VTCN1: variants seen among roughly 807,000 people sequenced by gnomAD.
VTCN1 encodes V-set domain containing T cell activation inhibitor 1, also known as V-set domain-containing T-cell activation inhibitor 1.
A neutral mutation model predicts 26.5 loss-of-function variants in VTCN1; 26 were observed. That is an observed-to-expected ratio of 0.98 (90% CI 0.72 to 1.36). VTCN1 has a LOEUF of 1.36. Ranked by LOEUF, VTCN1 falls within the 40% of genes most tolerant of loss-of-function variation. The pLI is 0.00. For missense variants in VTCN1, 298 were observed against 337.7 expected, an observed-to-expected ratio of 0.88 and a Z score of 0.92; for synonymous variants, 116 against 130.7, an observed-to-expected ratio of 0.89 and a Z score of 0.77.
Position 117,146,272 on chromosome 1 carries a change from G to A in VTCN1, c.*46-1047C>T, listed in dbSNP as rs908125253. 6.6e-6 allele frequency among the ~76,000 whole-genome samples: 1 copy of A among 152,190 alleles called. No homozygotes were observed. The highest frequency in any genetic ancestry group is 2.4e-5 in the African/African-American group (1 of 41,450). ...ATTCCCAAGGGACAGTTTCCTTAGG[G>A]AAATCTCTGCTGACAACTGTGGAGG... On this transcript the variant is annotated intron_variant, in intron 5 of 5. Coordinates refer to ENST00000369458, the MANE Select transcript of VTCN1 (RefSeq NM_024626.4). The surrounding 1 kb of genome is among the most constrained non-coding windows in gnomAD (Gnocchi z 4.2).
intron 1 of VTCN1, among the ~76,000 whole-genome samples, chr1:117,184,594 A>G (rs529590121): frequency 2.6e-4 from 39 of 152,234 alleles, no homozygotes; most frequent in Admixed American, 2.2e-3. Context: ...CATCTTTTTA[A>G]TACTTACAGC....
chr1:117,153,176 C>CACAG lies in VTCN1; in HGVS notation c.635_638dup (p.Leu214CysfsTer16). ...TGTTGTTGATCGTAACATTGTAGAG[C>CACAG]ACAGACACAACCTTCATGGTCACAT... On this transcript the variant is annotated frameshift_variant, in exon 4 of 6. Coordinates refer to ENST00000369458, the MANE Select transcript of VTCN1 (RefSeq NM_024626.4). LOFTEE classifies it high-confidence loss of function. 1 of 1,614,136 alleles carries CACAG rather than the reference C, an allele frequency of 6.2e-7. No individual in the cohort carries two copies. The highest frequency in any genetic ancestry group is 2.2e-5 in the East Asian group (1 of 44,876).
chr1:117,171,927 G>T (rs1652937000), intron 1 of VTCN1, among the ~76,000 whole-genome samples: 1 of 152,126 alleles, frequency 6.6e-6, no homozygotes, highest in Admixed American at 6.5e-5. Flanking sequence ...TTGCCAAGGG[G>T]AACAAGCACT....
rs1044618775 is a variant in VTCN1 at position 117,155,911 on chromosome 1, C to T, written c.445+663G>A. 2.6e-5 allele frequency among the ~76,000 whole-genome samples: 4 copies of T among 152,176 alleles called. No homozygotes were observed. Among genetic ancestry groups the T allele is most frequent in the Non-Finnish European group, 5.9e-5 (4 of 68,028 alleles). On this transcript the variant is annotated intron_variant, in intron 3 of 5. Transcript: ENST00000369458. The surrounding 1 kb of genome is among the most constrained non-coding windows in gnomAD (Gnocchi z 4.8). ...CTCTTAAAGCATTTGATACACTTTA[C>T]TAATTATTATCATTTACAGACTTTT... is the stretch of plus-strand genomic sequence containing the variant.
At chr1:117,203,905 C>G (rs1302858332) in intron 1 of VTCN1, 1 of 445,854 alleles carries the variant, frequency 2.2e-6, no homozygotes, top group Non-Finnish European at 3.0e-6. Context: ...CTAATAGTTC[C>G]CAGGTGATGT....
intron 1 of VTCN1, among the ~76,000 whole-genome samples, chr1:117,189,541 G>T (rs763931973): frequency 6.6e-6 from 1 of 152,188 alleles, no homozygotes; most frequent in African/African-American, 2.4e-5. Context: ...CTGAAGCCCT[G>T]CAGAGGTGGA....
chr1:117,150,870 T>C (rs1283167944), intron 4 of VTCN1, among the ~76,000 whole-genome samples: 1 of 152,224 alleles, frequency 6.6e-6, no homozygotes, highest in Non-Finnish European at 1.5e-5. Context: ...TCATATAGTA[T>C]TTGTCTTTTT....
At position 117,151,469 on chromosome 1, in the gene VTCN1, G is replaced by A. The variant is rs141207570; in HGVS notation, c.724+1622C>T. On this transcript the variant is annotated intron_variant, in intron 4 of 5. Coordinates refer to ENST00000369458, the MANE Select transcript of VTCN1 (RefSeq NM_024626.4). Reference sequence around the variant, plus strand: ...GCACATCACAGACAGCAGCCCTACCGGGTTGCTGCTGCTGGCTCCAGTGGC... The same window carrying A: ...GCACATCACAGACAGCAGCCCTACCAGGTTGCTGCTGCTGGCTCCAGTGGC... Among the ~76,000 whole-genome samples the A allele has an allele frequency of 7.9e-5, 12 of 152,198 alleles. No homozygotes were observed. The South Asian group carries it at 8.3e-4, about 11-fold the overall frequency.
In VTCN1 at chr1:117,175,443, G is replaced by A. The variant is rs1247415129; in HGVS notation, c.33-5272C>T. Reference sequence around the variant, plus strand: ...GTGCAGCCTAGGACACGCAAGGGTAGGATGTACTTCTCTGGAGAGGGAGCC... The same window carrying A: ...GTGCAGCCTAGGACACGCAAGGGTAAGATGTACTTCTCTGGAGAGGGAGCC... On this transcript the variant is annotated intron_variant, in intron 1 of 5. Coordinates refer to ENST00000369458, the MANE Select transcript of VTCN1 (RefSeq NM_024626.4). The surrounding 1 kb of genome is among the most constrained non-coding windows in gnomAD (Gnocchi z 4.2). Among the ~76,000 whole-genome samples the A allele has an allele frequency of 6.6e-6, 1 of 152,236 alleles. No homozygotes were observed. Among genetic ancestry groups the A allele is most frequent in the Non-Finnish European group, 1.5e-5 (1 of 68,050 alleles).
chr1:117,171,806 A>C (rs1369661137), intron 1 of VTCN1, among the ~76,000 whole-genome samples: 1 of 152,226 alleles, frequency 6.6e-6, no homozygotes, highest in East Asian at 1.9e-4. Flanking sequence ...CTAAAGTCAC[A>C]CAGTTGGCAA....
intron 2 of VTCN1, among the ~76,000 whole-genome samples, chr1:117,162,491 T>C (rs1652417110): frequency 1.3e-5 from 2 of 152,140 alleles, no homozygotes; most frequent in East Asian, 3.8e-4. Flanking sequence ...CCAGAGATTC[T>C]TGTGTGACTT....
At chr1:117,153,463 T>A in intron 3 of VTCN1, 94 bp from the exon 4 acceptor site, 2 of 494,074 alleles carry the variant, frequency 4.0e-6, no homozygotes, top group Non-Finnish European at 2.7e-6. Flanking sequence ...ATGCAGTCAT[T>A]TTTTTTTTTT....
chr1:117,200,290 C>G (rs978550902), intron 1 of VTCN1, among the ~76,000 whole-genome samples: 3 of 152,054 alleles, frequency 2.0e-5, no homozygotes, highest in African/African-American at 7.2e-5. Flanking sequence ...ATCCCAGCTA[C>G]CTGGGAGGCT....
chr1:117,145,359 A>G lies in VTCN1; in HGVS notation c.*46-134T>C, dbSNP rs1651452384. The G allele has an allele frequency of 6.6e-6, 1 of 152,078 alleles. No homozygotes were observed. Among genetic ancestry groups the G allele is most frequent in the African/African-American group, 2.4e-5 (1 of 41,400 alleles). The allele number at this position is 152,078 out of a possible 1,614,324, so 9.4% of individuals were successfully genotyped here. ...AAGGGGCTTATTTTTCAGTATTTTGATGTTGTTCTATTGAGGCCACATGGT... is the reference window on the plus strand; with the variant it reads ...AAGGGGCTTATTTTTCAGTATTTTGGTGTTGTTCTATTGAGGCCACATGGT... On this transcript the variant is annotated intron_variant, in intron 5 of 5. Transcript: ENST00000369458. This position sits in a 1 kb window ranked among gnomAD's most constrained non-coding sequence, Gnocchi z 4.6.
Position 117,148,477 on chromosome 1 carries a change from T to G in VTCN1, c.725-695A>C, listed in dbSNP as rs536939499. ...CCTATAATAAGCACTCCATAAGTAC[T>G]GGCTGTAAAAACGACAATAAAGCCA... On this transcript the variant is annotated intron_variant, in intron 4 of 5. Coordinates refer to ENST00000369458, the MANE Select transcript of VTCN1 (RefSeq NM_024626.4). Among the ~76,000 whole-genome samples, 66 of 152,350 alleles carry G rather than the reference T, an allele frequency of 4.3e-4. 1 individual carries two copies. Among genetic ancestry groups the G allele is most frequent in the Admixed American group, 1.0e-3 (16 of 15,304 alleles).
rs114841949 is a variant in VTCN1, at chr1:117,153,968, C to T, written c.446-599G>A. 3.5e-3 allele frequency among the ~76,000 whole-genome samples: 536 copies of T among 152,298 alleles called. 1 individual carries two copies. The highest frequency in any genetic ancestry group is 0.012 in the African/African-American group (510 of 41,562). On this transcript the variant is annotated intron_variant, in intron 3 of 5. Transcript: ENST00000369458. ...ATTCTCCTCGCAGGAGAGTTAACTG[C>T]ATTTTGAAATTAAGACTTAGCTTCC...
At chr1:117,152,015 A>G (rs1651828561) in intron 4 of VTCN1, among the ~76,000 whole-genome samples, 1 of 152,046 alleles carries the variant, frequency 6.6e-6, no homozygotes, top group East Asian at 1.9e-4. Context: ...TCTTGGGTTG[A>G]ATGTCTCTTC....
intron 1 of VTCN1, among the ~76,000 whole-genome samples, chr1:117,171,895 C>T (rs533712600): frequency 2.0e-5 from 3 of 152,212 alleles, no homozygotes; most frequent in Admixed American, 2.0e-4. Flanking sequence ...AGGAGCTCAC[C>T]GATGGGGCGT....
chr1:117,166,413 T>C (rs1254610472), intron 2 of VTCN1, among the ~76,000 whole-genome samples: 1 of 151,960 alleles, frequency 6.6e-6, no homozygotes, highest in Non-Finnish European at 1.5e-5. Context: ...AGGGTTTTAG[T>C]TGAAGGTGAT....
Sources: allele counts gnomAD v4.1 joint callset (sites outside exome capture counted in the v4.1 genomes callset), GRCh38; gene constraint gnomAD v4.1.1; non-coding constraint Gnocchi (gnomAD v3.1); transcripts MANE v1.5; gene names NCBI Gene and HGNC (gene_info 2026-07-23, HGNC 2026-07-21).